The following DPY19L1 variants were observed in gnomAD, a reference collection of about 807,000 sequenced individuals.
DPY19L1 encodes the protein protein C-mannosyl-transferase DPY19L1.
DPY19L1 carries 35 observed loss-of-function variants against 96.9 expected under a neutral mutation model. That is an observed-to-expected ratio of 0.36 (90% CI 0.28 to 0.48). DPY19L1 has a LOEUF of 0.48. DPY19L1 is among the 20% of genes least tolerant of loss of function. The pLI is 0.99. For synonymous variants in DPY19L1, 205 were observed against 252.6 expected, an observed-to-expected ratio of 0.81 and a Z score of 1.79; for missense variants, 521 against 777.9, an observed-to-expected ratio of 0.67 and a Z score of 3.93.
chr7:35,021,639 G>A (rs1785997724), intron 1 of DPY19L1, among the ~76,000 whole-genome samples: 2 of 152,190 alleles, frequency 1.3e-5, no homozygotes, highest in South Asian at 4.1e-4. Flanking sequence ...CAGACTAGAA[G>A]TTGAGGCACA....
intron 1 of DPY19L1, among the ~76,000 whole-genome samples, 196 bp from the exon 2 acceptor site, chr7:35,018,792 TTCAC>T (rs556565119): frequency 6.6e-5 from 10 of 152,296 alleles, no homozygotes; most frequent in African/African-American, 2.4e-4. Context: ...AGCCACCATT[TTCAC>T]TCACTCACTC....
chr7:34,948,152 A>C (rs181546378), intron 14 of DPY19L1, among the ~76,000 whole-genome samples: 32 of 150,574 alleles, frequency 2.1e-4, no homozygotes, highest in African/African-American at 7.5e-4. Context: ...AAAGGCTTTT[A>C]CATTTTCTTT....
intron 7 of DPY19L1, among the ~76,000 whole-genome samples, chr7:34,984,875 T>C (rs1354898747): frequency 6.6e-6 from 1 of 152,208 alleles, no homozygotes; most frequent in African/African-American, 2.4e-5. Flanking sequence ...TTTCTGCTCA[T>C]CCTTGCTACT....
At chr7:35,019,411 C>G (rs917372615) in intron 1 of DPY19L1, among the ~76,000 whole-genome samples, 4 of 152,028 alleles carry the variant, frequency 2.6e-5, no homozygotes, top group African/African-American at 4.8e-5. Flanking sequence ...CTGTTAACAG[C>G]CACTGCTCTC....
At position 34,996,767 on chromosome 7, in the gene DPY19L1, G is replaced by C. The variant is rs1294560290; in HGVS notation, c.765-6826C>G. 2.0e-5 allele frequency among the ~76,000 whole-genome samples: 3 copies of C among 152,090 alleles called. No individual in the cohort carries two copies. In the East Asian group the frequency reaches 5.8e-4, roughly 29 times the overall value. On this transcript the variant is annotated intron_variant, in intron 6 of 21. Transcript: ENST00000638088. The stretch of plus-strand genomic sequence containing the variant: ...ATATCCGAAATGCCTCGCAGGATCT[G>C]GCCCCTGCATACACCTCAACTCCTT...
At chr7:35,022,815 C>T (rs529355155) in intron 1 of DPY19L1, among the ~76,000 whole-genome samples, 2 of 152,166 alleles carry the variant, frequency 1.3e-5, no homozygotes, top group Non-Finnish European at 2.9e-5. Context: ...ACCAATGGAG[C>T]CCCCATTTAC....
chr7:34,935,036 A>G (rs1241153525), intron 21 of DPY19L1, among the ~76,000 whole-genome samples: 1 of 152,180 alleles, frequency 6.6e-6, no homozygotes, highest in African/African-American at 2.4e-5. Context: ...CACTTTTTGC[A>G]CACCTTTGCT....
intron 7 of DPY19L1, among the ~76,000 whole-genome samples, chr7:34,976,317 G>A (rs1328118300): frequency 1.1e-4 from 17 of 152,182 alleles, no homozygotes. Context: ...CAGATGTGAT[G>A]GAAATGGCAA....
intron 7 of DPY19L1, among the ~76,000 whole-genome samples, chr7:34,988,984 C>T (rs1431446318): frequency 6.6e-6 from 1 of 152,122 alleles, no homozygotes; most frequent in Non-Finnish European, 1.5e-5. Flanking sequence ...TGGGTAACAT[C>T]ATTATGCCCA....
At chr7:35,037,761 C>G, upstream of DPY19L1, 2 of 1,109,024 alleles carry the variant, frequency 1.8e-6, no homozygotes, top group Non-Finnish European at 2.2e-6. Context: ...CCAGCGCGCA[C>G]GCGCGGACTT....
At chr7:34,976,275 T>C (rs1188609527) in intron 7 of DPY19L1, among the ~76,000 whole-genome samples, 1 of 152,158 alleles carries the variant, frequency 6.6e-6, no homozygotes, top group African/African-American at 2.4e-5. Context: ...GAGACTTAGA[T>C]GGGCTCAAGA....
chr7:34,941,029 T>A (rs1452155060), intron 18 of DPY19L1, among the ~76,000 whole-genome samples: 2 of 152,118 alleles, frequency 1.3e-5, no homozygotes, highest in Non-Finnish European at 2.9e-5. Context: ...AACAACACTT[T>A]GTTCTCTTGA....
chr7:34,999,978 G>C (rs1171790539), intron 6 of DPY19L1, among the ~76,000 whole-genome samples: 1 of 152,228 alleles, frequency 6.6e-6, no homozygotes, highest in East Asian at 1.9e-4. Context: ...ACACAGGGTG[G>C]GGAAGACAGA....
chr7:35,020,785 T>C (rs762509117), intron 1 of DPY19L1, among the ~76,000 whole-genome samples: 3 of 152,188 alleles, frequency 2.0e-5, no homozygotes, highest in Non-Finnish European at 4.4e-5. Flanking sequence ...CTTGGCTCAC[T>C]GCAACCTCCG....
intron 7 of DPY19L1, among the ~76,000 whole-genome samples, chr7:34,981,371 T>G (rs73098784): frequency 1.3e-5 from 2 of 152,060 alleles, no homozygotes; most frequent in African/African-American, 2.4e-5. Context: ...CCATTTGCAA[T>G]GGCTAATGTA....
At chr7:35,012,088 C>G (rs1785724843) in intron 4 of DPY19L1, among the ~76,000 whole-genome samples, 1 of 152,178 alleles carries the variant, frequency 6.6e-6, no homozygotes, top group Admixed American at 6.5e-5. Context: ...TGTGTCCCTC[C>G]ATGGGAACTG....
rs183773484 is a variant in DPY19L1, at chr7:34,962,581, T to C, written c.1092+4313A>G. 6.2e-3 allele frequency among the ~76,000 whole-genome samples: 945 copies of C among 152,218 alleles called. 7 individuals carry two copies. The highest frequency in any genetic ancestry group is 0.021 in the African/African-American group (883 of 41,542). On this transcript the variant is annotated intron_variant, in intron 10 of 21. Transcript: ENST00000638088. The stretch of plus-strand genomic sequence containing the variant: ...TTGTGGTGGCTCACATCTGCAATCC[T>C]AGCACTTTGGGAGGCCAAGGCAGAA...
chr7:34,953,080 A>C (rs111989831), intron 13 of DPY19L1, among the ~76,000 whole-genome samples: 34 of 152,154 alleles, frequency 2.2e-4, no homozygotes, highest in African/African-American at 8.2e-4. Flanking sequence ...GGCTGACCTG[A>C]TTTGGGGCGG....
rs1353111555 is a variant in DPY19L1, at chr7:34,948,696, A to G, written c.1423-995T>C. Reference sequence around the variant, plus strand: ...CTTCACCACATCCTAATTCTCTAATATTTGAAGGAGTCTTGAACCCCTATG... The same window carrying G: ...CTTCACCACATCCTAATTCTCTAATGTTTGAAGGAGTCTTGAACCCCTATG... On this transcript the variant is annotated intron_variant, in intron 14 of 21. Coordinates refer to ENST00000638088, the MANE Select transcript of DPY19L1 (RefSeq NM_001366673.1). Among the ~76,000 whole-genome samples the G allele has an allele frequency of 7.2e-5, 11 of 152,328 alleles. No individual in the cohort carries two copies. In the East Asian group the frequency reaches 1.5e-3, roughly 21 times the overall value.
Sources: gnomAD v4.1 joint callset for allele counts (sites outside exome capture counted in the v4.1 genomes callset) on GRCh38, gnomAD v4.1.1 for gene constraint, MANE v1.5 for transcripts, NCBI Gene and HGNC (gene_info 2026-07-23, HGNC 2026-07-21) for gene names.